Variants in RNF213 observed in about 807,000 individuals in gnomAD.
RNF213 encodes the protein ring finger protein 213, also known as E3 ubiquitin-protein ligase RNF213.
A neutral mutation model predicts 514.4 loss-of-function variants in RNF213; 341 were observed. That is an observed-to-expected ratio of 0.66 (90% CI 0.61 to 0.73). The LOEUF (loss-of-function observed/expected upper bound fraction) is 0.73. RNF213 is among the 30% of genes least tolerant of loss of function. The pLI, the probability that RNF213 is intolerant of heterozygous loss-of-function variation, is 0.00. For synonymous variants in RNF213, 2,655 were observed against 2,658.2 expected (o/e 1.00, Z 0.04); for missense variants, 5,767 against 6,615.6 (o/e 0.87, Z 4.45).
intron 7 of RNF213, 82 bp downstream of exon 7, chr17:80,290,810 T>G (rs2044695404): frequency 1.3e-6 from 2 of 1,531,854 alleles, no homozygotes; most frequent in East Asian, 4.7e-5. Context: ...TTAAAAAAAT[T>G]TTGTTTTTTT....
intron 67 of RNF213, among the ~76,000 whole-genome samples, chr17:80,391,182 A>G (rs1356879359): frequency 6.6e-6 from 1 of 152,212 alleles, no homozygotes; most frequent in Non-Finnish European, 1.5e-5. Flanking sequence ...CCAAAATGGT[A>G]TCTCATTTTC....
At position 80,291,646 on chromosome 17, in the gene RNF213, C is replaced by T. The variant is rs758132340; in HGVS notation, c.1290C>T (p.Arg430=). 5.5e-5 allele frequency: 89 copies of T among 1,614,072 alleles called. No homozygotes were observed. The Admixed American group carries it at 1.0e-3, about 19-fold the overall frequency. ...LHYTRDLGHD[R]VLVEGIVCIS... The stretch of plus-strand genomic sequence containing the variant: ...TTCACAGAGACTTGGGTCATGACCG[C>T]GTTCTTGTTGAAGGCATTGTCTGCA... Residue 430 remains arginine (R), a synonymous_variant, in exon 8 of 68, where the codon CGC becomes CGT. Transcript: ENST00000582970.
rs1334109000 is a variant in RNF213 at position 80,291,754 on chromosome 17, C to G, written c.1398C>G (p.Tyr466Ter). 6.8e-6 allele frequency: 11 copies of G among 1,614,060 alleles called. No homozygotes were observed. Among genetic ancestry groups the G allele is most frequent in the Non-Finnish European group, 8.5e-6 (10 of 1,180,048 alleles). ...AATCTTTTGAGTATGAGTTCATTTA[C>G]AAGCACCAGCAGAAGAAGGGCGAGT... ...NGESFEYEFIYKHQQKKGEYV... is the reference protein window; with the variant it reads ...NGESFEYEFI Residue 466 changes from tyrosine (Y) to a stop codon, truncating the protein, a stop_gained, in exon 8 of 68, where the codon TAC (tyrosine) becomes TAG (stop). Transcript: ENST00000582970. LOFTEE classifies it high-confidence loss of function.
At chr17:80,293,189 C>G (rs2044801943) in intron 8 of RNF213, among the ~76,000 whole-genome samples, 5 of 152,024 alleles carry the variant, frequency 3.3e-5, no homozygotes. Flanking sequence ...CCCCAAGTAG[C>G]TGGGCCTACA....
chr17:80,367,755 G>C lies in RNF213; in HGVS notation c.11879G>C (p.Arg3960Pro), dbSNP rs768297572. 5 of 1,613,920 alleles carry C rather than the reference G, an allele frequency of 3.1e-6. No individual in the cohort carries two copies. The Admixed American group carries it at 5.0e-5, about 16-fold the overall frequency. The change falls in exon 43 of 68, where the codon CGA becomes CCA. Residue 3960 changes from arginine (R) to proline (P), a missense_variant. Arg to Pro is a moderately radical substitution (Grantham distance 103, BLOSUM62 -2). Around this residue, in one of 13 missense-constraint regions of RNF213, gnomAD observed 355 missense variants for 358.0 expected, o/e 0.99. Coordinates refer to ENST00000582970, the MANE Select transcript of RNF213 (RefSeq NM_001256071.3). ...GTCCCTGCCTTTCTTCAGTGTCTTC[G>C]AGAGAACTCTGACGTGAAGACGCAC... ...EHVFLLDKCLRENSDVKTHGP... is the reference protein window; with the variant it reads ...EHVFLLDKCLPENSDVKTHGP...
chr17:80,390,080 C>T lies in RNF213; in HGVS notation c.15354C>T (p.Ser5118=), dbSNP rs2080401905. The part of the protein sequence containing the change: ...DLSPENAKLL[S]TFLNQTGLDA... ...GCCCGGAAAATGCTAAGCTCCTCAG[C>T]ACATTCCTAAATCAGACTGGCCTAG... is the stretch of plus-strand genomic sequence containing the variant. The change falls in exon 67 of 68, where the codon AGC becomes AGT. Residue 5118 remains serine (S), a synonymous_variant. Transcript: ENST00000582970. 3.7e-6 allele frequency: 6 copies of T among 1,614,236 alleles called. No individual in the cohort carries two copies. The highest frequency in any genetic ancestry group is 2.5e-6 in the Non-Finnish European group (3 of 1,180,042).
At chr17:80,382,912 T>G in intron 57 of RNF213, 67 bp from the exon 58 acceptor site, 1 of 929,838 alleles carries the variant, frequency 1.1e-6, no homozygotes, top group Non-Finnish European at 1.8e-6. Flanking sequence ...TATTTAGGGT[T>G]TATTATACGC....
chr17:80,389,968 T>G, intron 66 of RNF213, 44 bp from the exon 67 acceptor site: 1 of 1,613,714 alleles, frequency 6.2e-7, no homozygotes, highest in Non-Finnish European at 8.5e-7. Context: ...CGCTCCCTTC[T>G]CCCTGCAGGC....
At chr17:80,375,597 T>G (rs538586057) in intron 50 of RNF213, among the ~76,000 whole-genome samples, 163 bp from the exon 51 acceptor site, 1 of 151,708 alleles carries the variant, frequency 6.6e-6, no homozygotes, top group Admixed American at 6.6e-5. Flanking sequence ...TCCCAGCTAC[T>G]CGGGAGGCTG....
At position 80,345,951 on chromosome 17, in the gene RNF213, A is replaced by G. The variant is rs1444870713; in HGVS notation, c.7616A>G (p.Glu2539Gly). 2 of 1,614,212 alleles carry G rather than the reference A, an allele frequency of 1.2e-6. No individual in the cohort carries two copies. The highest frequency in any genetic ancestry group is 2.7e-5 in the African/African-American group (2 of 75,052). ...KHSEEMICRL[E>G]SAGLGYRVSM... ...TCTGAGGAGATGATCTGCCGTTTGG[A>G]GTCAGCTGGTTTGGGCTACAGGGTT... The change falls in exon 29 of 68, where the codon GAG becomes GGG. Residue 2539 changes from glutamate to glycine, a missense_variant. By Grantham distance (98) the Glu-to-Gly change is moderately conservative. Coordinates refer to ENST00000582970, the MANE Select transcript of RNF213 (RefSeq NM_001256071.3). The surrounding 1 kb of genome is among the most constrained non-coding windows in gnomAD (Gnocchi z 6.0).
chr17:80,289,139 C>T (rs2044586487), intron 5 of RNF213, among the ~76,000 whole-genome samples: 1 of 152,144 alleles, frequency 6.6e-6, no homozygotes, highest in Non-Finnish European at 1.5e-5. Flanking sequence ...ACGCCAGTGC[C>T]CCCAGGAGGA....
Position 80,288,484 on chromosome 17 carries a change from C to G in RNF213, c.810+121C>G. 1 of 1,595,640 alleles carries G rather than the reference C, an allele frequency of 6.3e-7. No individual in the cohort carries two copies. ...AGGGGCGTCCTCTGGGCCCTGCTCC[C>G]TGGGTGGGAGTCGGAGGGCTGCCCC... On this transcript the variant is annotated intron_variant, in intron 4 of 67. Coordinates refer to ENST00000582970, the MANE Select transcript of RNF213 (RefSeq NM_001256071.3). This position sits in a 1 kb window ranked among gnomAD's most constrained non-coding sequence, Gnocchi z 4.9.
intron 46 of RNF213, 72 bp downstream of exon 46, chr17:80,369,939 A>T: frequency 9.2e-7 from 1 of 1,081,702 alleles, no homozygotes; most frequent in Non-Finnish European, 1.4e-6. Flanking sequence ...TTTGTTACCA[A>T]GTCTTCTTGT....
At chr17:80,376,688 C>T in intron 52 of RNF213, 145 bp downstream of exon 52, 1 of 1,290,784 alleles carries the variant, frequency 7.7e-7, no homozygotes, top group Admixed American at 2.0e-5. Flanking sequence ...TTCTTGAGCA[C>T]ACAAGATAGT....
In RNF213 at chr17:80,290,389, GCGTGTA is replaced by G. The variant is rs577959340; in HGVS notation, c.1113-175_1113-170del. On this transcript the variant is annotated intron_variant, in intron 6 of 67. Transcript: ENST00000582970. ...CGTGTGTGAGTGCGTGCACGTGTGTGCGTGTACGTGTGCTTGTGTGTGTGCGTGTGT... is the reference window on the plus strand; with the variant it reads ...CGTGTGTGAGTGCGTGCACGTGTGTGCGTGTGCTTGTGTGTGTGCGTGTGT... Among the ~76,000 whole-genome samples the G allele has an allele frequency of 4.6e-5, 7 of 151,514 alleles. No homozygotes were observed. The South Asian group carries it at 1.5e-3, about 32-fold the overall frequency.
At chr17:80,344,242 C>G (rs547239582) in intron 28 of RNF213, among the ~76,000 whole-genome samples, 5 of 152,336 alleles carry the variant, frequency 3.3e-5, no homozygotes, top group Admixed American at 2.0e-4. Context: ...TATTTCTGTT[C>G]AATTCAGGCT....
chr17:80,352,331 C>A (rs1053796247), intron 32 of RNF213: 2 of 236,380 alleles, frequency 8.5e-6, no homozygotes, highest in Non-Finnish European at 1.7e-5. Flanking sequence ...GCGTGCACCT[C>A]TCCTGGACTG....
At chr17:80,297,425 G>A (rs1223723340) in intron 10 of RNF213, among the ~76,000 whole-genome samples, 1 of 148,940 alleles carries the variant, frequency 6.7e-6, no homozygotes, top group Non-Finnish European at 1.5e-5. Flanking sequence ...ACTCCAGCCT[G>A]GGCGACACAG....
rs1364575808 is a variant in RNF213 at position 80,339,230 on chromosome 17, G to C, written c.4863G>C (p.Gln1621His). The C allele has an allele frequency of 6.7e-7, 1 of 1,501,044 alleles. No homozygotes were observed. Among genetic ancestry groups the C allele is most frequent in the Admixed American group, 2.0e-5 (1 of 49,184 alleles). The allele number at this position is 1,501,044 out of a possible 1,614,324, so 93.0% of individuals were successfully genotyped here. A position where few individuals can be genotyped will look rare whatever the true frequency, so the allele number is the denominator to read the frequency against. ...EVFCSVQRLS[Q>H]AFIDLHSAGN... ...TCTGCAGTGTGCAGAGGCTCAGCCAGGCCTTCATCGACCTGCACTCTGCTG... is the reference window on the plus strand; with the variant it reads ...TCTGCAGTGTGCAGAGGCTCAGCCACGCCTTCATCGACCTGCACTCTGCTG... The change falls in exon 26 of 68, where the codon CAG becomes CAC. Residue 1621 changes from glutamine (Q) to histidine (H), a missense_variant. By Grantham distance (24) the Gln-to-His change is conservative. Around this residue, in one of 13 missense-constraint regions of RNF213, gnomAD observed 1,377 missense variants for 1,635.2 expected, o/e 0.84. Coordinates refer to ENST00000582970, the MANE Select transcript of RNF213 (RefSeq NM_001256071.3).
Sources: gnomAD v4.1 joint callset for allele counts (sites outside exome capture counted in the v4.1 genomes callset) on GRCh38, gnomAD v4.1.1 for gene constraint, gnomAD v4.1.1 regional missense constraint, Gnocchi (gnomAD v3.1) non-coding constraint, MANE v1.5 for transcripts, NCBI Gene and HGNC (gene_info 2026-07-23, HGNC 2026-07-21) for gene names.